STARD3NL: variants seen among roughly 807,000 people sequenced by gnomAD.
STARD3NL encodes STARD3 N-terminal like.
STARD3NL carries 17 observed loss-of-function variants against 30.9 expected under a neutral mutation model. The ratio of observed to expected loss-of-function variants is 0.55; its 90% CI spans 0.38 to 0.82. The LOEUF is 0.82. STARD3NL is among the 40% of genes least tolerant of loss of function. The pLI, the probability that STARD3NL is intolerant of heterozygous loss-of-function variation, is 0.00. For missense variants in STARD3NL, 234 were observed against 277.6 expected (o/e 0.84, Z 1.12); for synonymous variants, 112 against 100.5 (o/e 1.11, Z -0.69).
intron 1 of STARD3NL, among the ~76,000 whole-genome samples, chr7:38,193,459 C>T (rs541896370): frequency 3.4e-4 from 52 of 152,168 alleles, no homozygotes; most frequent in Non-Finnish European, 5.4e-4. Flanking sequence ...CCACCACGCC[C>T]GGCTAATTTT....
At chr7:38,229,740 C>T (rs1363997647) in intron 8 of STARD3NL, among the ~76,000 whole-genome samples, 183 bp from the exon 9 acceptor site, 4 of 152,198 alleles carry the variant, frequency 2.6e-5, no homozygotes, top group Admixed American at 2.0e-4. Flanking sequence ...TGGGCATGCT[C>T]GTAGTTGAGC....
chr7:38,211,235 A>G (rs140732239), intron 2 of STARD3NL, among the ~76,000 whole-genome samples: 44 of 152,344 alleles, frequency 2.9e-4, no homozygotes, highest in African/African-American at 8.9e-4. Context: ...ATGACCAAGT[A>G]TAATAGAAAT....
Position 38,197,133 on chromosome 7 carries a change from CTTTTTTCTTTCTTTCTTTCTTTCTTTCT to C in STARD3NL, c.-58-10311_-58-10284del, listed in dbSNP as rs1784935082. ...TTCTGATCCTGTGAGATAGCATTAC[CTTTTTTCTTTCTTTCTTTCTTTCTTTCT>C]TTCTTTCTTTCTTTCTTTCTTTCTT... is the stretch of plus-strand genomic sequence containing the variant. On this transcript the variant is annotated intron_variant, in intron 1 of 8. Coordinates refer to ENST00000009041, the MANE Select transcript of STARD3NL (RefSeq NM_032016.4). 4.3e-5 allele frequency among the ~76,000 whole-genome samples: 4 copies of C among 92,550 alleles called. 1 individual carries two copies. The South Asian group carries it at 1.1e-3, about 25-fold the overall frequency. The allele number at this position is 92,550 out of a possible 152,430, so 60.7% of individuals were successfully genotyped here.
At chr7:38,193,966 C>T (rs1166822765) in intron 1 of STARD3NL, among the ~76,000 whole-genome samples, 1 of 152,040 alleles carries the variant, frequency 6.6e-6, no homozygotes, top group Non-Finnish European at 1.5e-5. Flanking sequence ...TCCTTTTTAA[C>T]ATTCTGAATC....
intron 1 of STARD3NL, chr7:38,201,720 A>C (rs55983269): frequency 6.7e-6 from 1 of 149,966 alleles, no homozygotes; most frequent in Non-Finnish European, 1.5e-5. Context: ...ACAGGGTCTT[A>C]CTCTGTTGCC....
At chr7:38,209,697 C>T (rs865880201) in intron 2 of STARD3NL, among the ~76,000 whole-genome samples, 34 of 152,154 alleles carry the variant, frequency 2.2e-4, no homozygotes, top group Admixed American at 1.7e-3. Context: ...GCTTATATCA[C>T]TGTATGCCTT....
At chr7:38,208,982 T>C (rs778603672) in intron 2 of STARD3NL, among the ~76,000 whole-genome samples, 3 of 152,200 alleles carry the variant, frequency 2.0e-5, no homozygotes, top group Non-Finnish European at 4.4e-5. Context: ...AAACTCGTTA[T>C]GAAAGCAGAC....
intron 1 of STARD3NL, among the ~76,000 whole-genome samples, chr7:38,183,989 A>T (rs1284784460): frequency 6.6e-6 from 1 of 152,216 alleles, no homozygotes; most frequent in South Asian, 2.1e-4. Flanking sequence ...TTTTAAACTA[A>T]TTGAATACCT....
chr7:38,192,592 T>C (rs993328635), intron 1 of STARD3NL, among the ~76,000 whole-genome samples: 1 of 152,178 alleles, frequency 6.6e-6, no homozygotes, highest in African/African-American at 2.4e-5. Context: ...GAAGTGGCTA[T>C]GGAGAAGTAG....
Position 38,219,549 on chromosome 7 carries a change from A to G in STARD3NL, c.554-16A>G. 6.4e-7 allele frequency: 1 copy of G among 1,571,376 alleles called. No individual in the cohort carries two copies. Among genetic ancestry groups the G allele is most frequent in the Non-Finnish European group, 8.7e-7 (1 of 1,147,902 alleles). ...AGGTGACCTCATTCCCAACATCTGAATTTCTTCTCTTCCAGGACTCCTGAT... is the reference window on the plus strand; with the variant it reads ...AGGTGACCTCATTCCCAACATCTGAGTTTCTTCTCTTCCAGGACTCCTGAT... On this transcript the variant is annotated splice_polypyrimidine_tract_variant and intron_variant, in intron 6 of 8. Coordinates refer to ENST00000009041, the MANE Select transcript of STARD3NL (RefSeq NM_032016.4).
chr7:38,215,350 A>G (rs1196539885), intron 4 of STARD3NL: 2 of 498,816 alleles, frequency 4.0e-6, no homozygotes, highest in Admixed American at 3.7e-5. Context: ...CCCAACAGTG[A>G]TTATTGGCCA....
chr7:38,215,401 TGAGAG>T (rs1330511205), intron 4 of STARD3NL: 5 of 420,054 alleles, frequency 1.2e-5, no homozygotes, highest in South Asian at 4.4e-5. Flanking sequence ...AAATAAGAGA[TGAGAG>T]GAGACCTCTG....
rs1299547782 is a variant in STARD3NL, at chr7:38,217,304, C to T, written c.552C>T (p.Asn184=). Reference sequence around the variant, plus strand: ...TACCTCAAGAAGCAGAAGAAGAAAACAGTAAGTTCCTCTCAAAGTCAGCCT... The same window carrying T: ...TACCTCAAGAAGCAGAAGAAGAAAATAGTAAGTTCCTCTCAAAGTCAGCCT... The part of the protein sequence containing the change: ...KVLPQEAEEE[N]RLLIVQDASE... The change falls in exon 6 of 9, where the codon AAC becomes AAT. Residue 184 remains asparagine, a splice_region_variant and synonymous_variant. Transcript: ENST00000009041. The T allele has an allele frequency of 6.2e-7, 1 of 1,613,604 alleles. No individual in the cohort carries two copies. Among genetic ancestry groups the T allele is most frequent in the African/African-American group, 1.3e-5 (1 of 74,988 alleles).
intron 1 of STARD3NL, among the ~76,000 whole-genome samples, chr7:38,188,462 C>T (rs977623683): frequency 6.6e-6 from 1 of 152,156 alleles, no homozygotes; most frequent in African/African-American, 2.4e-5. Flanking sequence ...ACCATGTTTC[C>T]AGCCCTACTT....
intron 2 of STARD3NL, among the ~76,000 whole-genome samples, chr7:38,212,197 G>A (rs73130627): frequency 0.018 from 2,729 of 152,190 alleles, 49 homozygotes; most frequent in Non-Finnish European, 0.029. Flanking sequence ...TCCAAATGTC[G>A]TACTTTGGCT....
chr7:38,181,645 T>C (rs2115884382), intron 1 of STARD3NL, among the ~76,000 whole-genome samples: 1 of 152,336 alleles, frequency 6.6e-6, no homozygotes, highest in Non-Finnish European at 1.5e-5. Flanking sequence ...GTATCTTCTT[T>C]TTTAAATATT....
chr7:38,228,600 G>T (rs4720272), intron 7 of STARD3NL, among the ~76,000 whole-genome samples, 199 bp from the exon 8 acceptor site: 32,842 of 152,202 alleles, frequency 0.22, 3,957 homozygotes, highest in Admixed American at 0.33. Flanking sequence ...GTAAGTGATA[G>T]ATTATTGTTT....
rs754945230 is a variant in STARD3NL, at chr7:38,228,275, C to G, written c.650-524C>G. ...TTATTTCCTCAGGGATAGGTCTATCCTAAGGAAAGAATTCCAGAGCGGAAT... is the reference window on the plus strand; with the variant it reads ...TTATTTCCTCAGGGATAGGTCTATCGTAAGGAAAGAATTCCAGAGCGGAAT... On this transcript the variant is annotated intron_variant, in intron 7 of 8. Coordinates refer to ENST00000009041, the MANE Select transcript of STARD3NL (RefSeq NM_032016.4). 9.2e-5 allele frequency among the ~76,000 whole-genome samples: 14 copies of G among 152,262 alleles called. No homozygotes were observed. In the South Asian group the frequency reaches 2.9e-3, roughly 32 times the overall value.
At chr7:38,201,243 G>A (rs1157661577) in intron 1 of STARD3NL, among the ~76,000 whole-genome samples, 1 of 152,176 alleles carries the variant, frequency 6.6e-6, no homozygotes, top group African/African-American at 2.4e-5. Flanking sequence ...TTATTGAGGT[G>A]AAAGTATCTA....
Sources: allele counts gnomAD v4.1 joint callset (sites outside exome capture counted in the v4.1 genomes callset), GRCh38; gene constraint gnomAD v4.1.1; transcripts MANE v1.5; gene names NCBI Gene and HGNC (gene_info 2026-07-23, HGNC 2026-07-21).